HUWE1: variants seen among roughly 807,000 people sequenced by gnomAD.
HUWE1 encodes the protein E3 ubiquitin-protein ligase HUWE1.
A neutral mutation model predicts 299.4 loss-of-function variants in HUWE1; 18 were observed. The observed-to-expected ratio is 0.06, with a 90% confidence interval of 0.04 to 0.09. The LOEUF is 0.09. Ranked by LOEUF, HUWE1 falls within the 10% of genes least tolerant of loss-of-function variation. The probability of loss-of-function intolerance (pLI) is 1.00; values close to 1 mark genes in which losing one functional copy is unlikely to be tolerated. For missense variants in HUWE1, 1,832 were observed against 3,462.3 expected, an observed-to-expected ratio of 0.53 and a Z score of 11.82; for synonymous variants, 1,317 against 1,286.1, an observed-to-expected ratio of 1.02 and a Z score of -0.51.
intron 8 of HUWE1, among the ~76,000 whole-genome samples, chrX:53,632,891 A>C (rs1407594874): frequency 5.3e-5 from 6 of 112,484 alleles, no homozygotes; most frequent in Non-Finnish European, 1.1e-4. Flanking sequence ...CAAGACTGCC[A>C]AGCAGTAATG....
intron 47 of HUWE1, among the ~76,000 whole-genome samples, chrX:53,570,170 G>C (rs1556949732): frequency 8.9e-6 from 1 of 112,029 alleles, no homozygotes; most frequent in African/African-American, 3.3e-5. Context: ...CCAGAGTACA[G>C]TGGCTATTCA....
chrX:53,668,436 C>A, intron 3 of HUWE1, among the ~76,000 whole-genome samples: 1 of 92,361 alleles, frequency 1.1e-5, no homozygotes. Flanking sequence ...AGTAAGACTC[C>A]ATCTCAAAAA....
chrX:53,578,373 G>A (rs1394665284), intron 43 of HUWE1, among the ~76,000 whole-genome samples: 5 of 90,816 alleles, frequency 5.5e-5, no homozygotes, highest in African/African-American at 1.3e-4. Context: ...TCAGCCCCCC[G>A]CCCGGCCAGC....
intron 82 of HUWE1, 130 bp from the exon 83 acceptor site, chrX:53,534,327 GC>G (rs2060905906): frequency 2.9e-6 from 2 of 701,074 alleles, no homozygotes; most frequent in African/African-American, 4.3e-5. Context: ...ATGAGCTTTA[GC>G]TCCTTTCATT....
intron 49 of HUWE1, among the ~76,000 whole-genome samples, chrX:53,566,794 T>C (rs945972725): frequency 9.0e-5 from 10 of 111,523 alleles, no homozygotes; most frequent in Admixed American, 6.7e-4. Context: ...ATATCACCCA[T>C]GTAGTATTTT....
At chrX:53,680,445 G>A (rs1051263003) in intron 2 of HUWE1, 1 of 158,257 alleles carries the variant, frequency 6.3e-6, no homozygotes, top group East Asian at 1.4e-4. Context: ...AATTATAGAA[G>A]ACAGTTTATT....
chrX:53,627,909 T>C (rs2066623185), intron 15 of HUWE1, 30 bp from the exon 16 acceptor site: 1 of 1,190,674 alleles, frequency 8.4e-7, no homozygotes, highest in Admixed American at 2.2e-5. Context: ...GCAAAAACAA[T>C]GAACTATAAA....
At chrX:53,537,839 CCAG>C in intron 77 of HUWE1, 143 bp from the exon 78 acceptor site, 1 of 639,044 alleles carries the variant, frequency 1.6e-6, no homozygotes, top group Non-Finnish European at 2.4e-6. Flanking sequence ...TGGGAAATGC[CCAG>C]TAGTTGGGAG....
intron 50 of HUWE1, 115 bp from the exon 51 acceptor site, chrX:53,564,837 A>G: frequency 1.0e-6 from 1 of 987,699 alleles, no homozygotes; most frequent in Non-Finnish European, 1.4e-6. Context: ...AAGTTCTCAG[A>G]GAATAAACGA....
intron 78 of HUWE1, 97 bp from the exon 79 acceptor site, chrX:53,536,764 G>A (rs2061080521): frequency 1.3e-6 from 1 of 765,202 alleles, no homozygotes; most frequent in East Asian, 3.4e-5. Context: ...AGTGTCTGGG[G>A]AGTGCAGTGT....
chrX:53,559,642 A>G, intron 56 of HUWE1, 110 bp from the exon 57 acceptor site: 1 of 665,787 alleles, frequency 1.5e-6, no homozygotes, highest in South Asian at 2.4e-5. Flanking sequence ...GAACATGATT[A>G]TAAACCTGAT....
intron 45 of HUWE1, among the ~76,000 whole-genome samples, 153 bp downstream of exon 45, chrX:53,575,490 G>A (rs2063058609): frequency 8.9e-6 from 1 of 111,759 alleles, no homozygotes; most frequent in African/African-American, 3.3e-5. Flanking sequence ...AGTCTCCAGG[G>A]ACACCCCAAT....
intron 27 of HUWE1, 62 bp from the exon 28 acceptor site, chrX:53,602,720 C>T: frequency 1.6e-6 from 1 of 607,214 alleles, no homozygotes; most frequent in Non-Finnish European, 2.6e-6. Flanking sequence ...TAATTCACCT[C>T]TTATATTGTA....
intron 28 of HUWE1, among the ~76,000 whole-genome samples, chrX:53,601,959 G>A (rs782441657): frequency 4.5e-5 from 5 of 110,849 alleles, no homozygotes; most frequent in African/African-American, 9.8e-5. Flanking sequence ...GTGAGCCACC[G>A]AGCCCGGCCA....
chrX:53,606,971 G>A (rs2065183874), intron 25 of HUWE1, among the ~76,000 whole-genome samples: 1 of 111,433 alleles, frequency 9.0e-6, no homozygotes, highest in African/African-American at 3.3e-5. Context: ...CATGTTATGT[G>A]TAGTTTACCA....
chrX:53,534,443 A>G, intron 82 of HUWE1, 73 bp downstream of exon 82: 1 of 956,914 alleles, frequency 1.0e-6, no homozygotes, highest in Non-Finnish European at 1.5e-6. Context: ...CTACTGGTTT[A>G]TTTGGTATCA....
chrX:53,547,358 TTAAC>T (rs2061584093), intron 68 of HUWE1, among the ~76,000 whole-genome samples: 1 of 111,972 alleles, frequency 8.9e-6, no homozygotes, highest in East Asian at 2.8e-4. Flanking sequence ...AGGATGGAAC[TTAAC>T]TTTCTTTCCT....
At chrX:53,557,556 A>C (rs1556936309) in intron 59 of HUWE1, 129 bp from the exon 60 acceptor site, 1 of 549,092 alleles carries the variant, frequency 1.8e-6, no homozygotes, top group Non-Finnish European at 3.2e-6. Context: ...TGCTTTGGCC[A>C]TGTGACCAAA....
chrX:53,538,031 T>C (rs2061143586), intron 77 of HUWE1, among the ~76,000 whole-genome samples: 1 of 111,699 alleles, frequency 9.0e-6, no homozygotes, highest in Non-Finnish European at 1.9e-5. Context: ...CCCTGCTGTG[T>C]GTGTTCTATG....
Sources: gnomAD v4.1 joint callset for allele counts (sites outside exome capture counted in the v4.1 genomes callset) on GRCh38, gnomAD v4.1.1 for gene constraint, MANE v1.5 for transcripts, NCBI Gene and HGNC (gene_info 2026-07-23, HGNC 2026-07-21) for gene names.